Variants in NDFIP2 observed in about 807,000 individuals in gnomAD.
NDFIP2 encodes NEDD4 family-interacting protein 2.
A neutral mutation model predicts 36.0 loss-of-function variants in NDFIP2; 19 were observed. The ratio of observed to expected loss-of-function variants is 0.53; its 90% CI spans 0.37 to 0.77. NDFIP2 has a LOEUF of 0.77. Among genes scored for constraint, NDFIP2 ranks in the 30% least tolerant of loss-of-function variants. NDFIP2 has a pLI of 0.00. For synonymous variants in NDFIP2, 181 were observed against 167.7 expected (o/e 1.08, Z -0.61); for missense variants, 446 against 435.8 (o/e 1.02, Z -0.21).
At position 79,516,473 on chromosome 13, in the gene NDFIP2, T is replaced by G. The variant is rs1236147228; in HGVS notation, c.322-4337T>G. On this transcript the variant is annotated intron_variant, in intron 1 of 7. Coordinates refer to ENST00000218652, the MANE Select transcript of NDFIP2 (RefSeq NM_019080.3). The stretch of plus-strand genomic sequence containing the variant: ...CCTGGGCTCCAGTGATCCTCCCATC[T>G]TGGCCTCCCAAAGGGATTACAAGGT... Among the ~76,000 whole-genome samples the G allele has an allele frequency of 5.6e-4, 85 of 152,144 alleles. 1 individual carries two copies. Among genetic ancestry groups the G allele is most frequent in the Non-Finnish European group, 1.5e-5 (1 of 68,022 alleles).
chr13:79,544,542 T>C (rs543663744), intron 5 of NDFIP2, among the ~76,000 whole-genome samples: 79 of 152,088 alleles, frequency 5.2e-4, no homozygotes, highest in Non-Finnish European at 9.4e-4. Context: ...AAGAGTGCTT[T>C]ACTTACTGTT....
rs905852763 is a variant in NDFIP2, at chr13:79,503,674, T to C, written c.322-17136T>C. On this transcript the variant is annotated intron_variant, in intron 1 of 7. Transcript: ENST00000218652. The stretch of plus-strand genomic sequence containing the variant: ...TGGACCACTCAACTGTAGATATCCA[T>C]CATTACTTTTTGTTTTGTGGCTGAG... Among the ~76,000 whole-genome samples, 12 of 152,274 alleles carry C rather than the reference T, an allele frequency of 7.9e-5. No individual in the cohort carries two copies. The South Asian group carries it at 2.1e-3, about 26-fold the overall frequency.
chr13:79,482,156 T>G (rs563021265), intron 1 of NDFIP2, among the ~76,000 whole-genome samples: 1 of 115,602 alleles, frequency 8.7e-6, no homozygotes, highest in South Asian at 3.1e-4. Flanking sequence ...ACTTTTTCTT[T>G]CTTTCTTTCT....
rs755234462 is a variant in NDFIP2, at chr13:79,520,938, A to G, written c.450A>G (p.Pro150=). 3 of 1,613,192 alleles carry G rather than the reference A, an allele frequency of 1.9e-6. No individual in the cohort carries two copies. The highest frequency in any genetic ancestry group is 1.1e-5 in the South Asian group (1 of 91,010). Reference sequence around the variant, plus strand: ...TTGAAACTGACTCTTCCCCTCCACCATATAGTAGTATTACTGTGGAAGTAC... The same window carrying G: ...TTGAAACTGACTCTTCCCCTCCACCGTATAGTAGTATTACTGTGGAAGTAC... The part of the protein sequence containing the change: ...PALETDSSPP[P]YSSITVEVPT... The change falls in exon 2 of 8, where the codon CCA becomes CCG. Residue 150 remains proline (P), a synonymous_variant. Coordinates refer to ENST00000218652, the MANE Select transcript of NDFIP2 (RefSeq NM_019080.3).
intron 4 of NDFIP2, among the ~76,000 whole-genome samples, chr13:79,541,938 A>G (rs1875471306): frequency 6.6e-6 from 1 of 152,188 alleles, no homozygotes; most frequent in Non-Finnish European, 1.5e-5. Context: ...TGTTCAGAAA[A>G]TGTAAAAGAA....
intron 5 of NDFIP2, among the ~76,000 whole-genome samples, chr13:79,547,209 CATT>C (rs1455774052): frequency 6.6e-6 from 1 of 151,922 alleles, no homozygotes; most frequent in Non-Finnish European, 1.5e-5. Context: ...TAAATGATAA[CATT>C]ATTTACAATT....
At position 79,533,417 on chromosome 13, in the gene NDFIP2, T is replaced by C; in HGVS notation, c.582T>C (p.Ala194=). Reference sequence around the variant, plus strand: ...ACGATGAAGCTGAGAAGGCTAAAGCTGCTGCAATGGCAGCTGCAGCAGCAG... The same window carrying C: ...ACGATGAAGCTGAGAAGGCTAAAGCCGCTGCAATGGCAGCTGCAGCAGCAG... The part of the protein sequence containing the change: ...PTYDEAEKAK[A]AAMAAAAAET... The change falls in exon 3 of 8, where the codon GCT becomes GCC. Residue 194 remains alanine (A), a synonymous_variant. Transcript: ENST00000218652. The C allele has an allele frequency of 6.2e-7, 1 of 1,610,480 alleles. No homozygotes were observed. The highest frequency in any genetic ancestry group is 1.1e-5 in the South Asian group (1 of 90,352).
At chr13:79,543,818 T>C in intron 5 of NDFIP2, 136 bp downstream of exon 5, 7 of 1,094,918 alleles carry the variant, frequency 6.4e-6, no homozygotes, top group Non-Finnish European at 9.0e-6. Context: ...CTATACTTAA[T>C]CATTATAGTG....
At chr13:79,542,522 T>TTTTC (rs1555358567) in intron 4 of NDFIP2, among the ~76,000 whole-genome samples, 3 of 151,948 alleles carry the variant, frequency 2.0e-5, no homozygotes, top group African/African-American at 7.3e-5. Flanking sequence ...GTTTTTTTTT[T>TTTTC]CAGACATTCT....
At position 79,553,101 on chromosome 13, in the gene NDFIP2, T is replaced by C. The variant is rs1875967450; in HGVS notation, c.*588T>C. On this transcript the variant is annotated 3_prime_UTR_variant, in exon 8 of 8. Transcript: ENST00000218652. ...AACTCTTCCTGTAAATAACCATGCA[T>C]AACTTACTTTCTGCAATGTTTTCTT... is the stretch of plus-strand genomic sequence containing the variant. 1 of 151,838 alleles carries C rather than the reference T, an allele frequency of 6.6e-6. No individual in the cohort carries two copies. The highest frequency in any genetic ancestry group is 6.6e-5 in the Admixed American group (1 of 15,180). 9.4% of individuals were successfully genotyped at this position (151,838 alleles called of 1,614,324 possible).
chr13:79,529,384 T>C (rs1382594981), intron 2 of NDFIP2, among the ~76,000 whole-genome samples: 1 of 152,230 alleles, frequency 6.6e-6, no homozygotes, highest in Non-Finnish European at 1.5e-5. Context: ...ATTTACATTC[T>C]TGTTATTATA....
At chr13:79,488,221 T>C (rs1873094447) in intron 1 of NDFIP2, among the ~76,000 whole-genome samples, 1 of 152,224 alleles carries the variant, frequency 6.6e-6, no homozygotes, top group Non-Finnish European at 1.5e-5. Context: ...TACTCAAATG[T>C]GTTATATACC....
At chr13:79,503,240 T>C (rs1185173262) in intron 1 of NDFIP2, among the ~76,000 whole-genome samples, 1 of 152,148 alleles carries the variant, frequency 6.6e-6, no homozygotes, top group Non-Finnish European at 1.5e-5. Context: ...TGAACTCTTA[T>C]GGCCTTGTTG....
chr13:79,540,405 A>G (rs1253438223), intron 4 of NDFIP2, among the ~76,000 whole-genome samples: 1 of 152,234 alleles, frequency 6.6e-6, no homozygotes, highest in East Asian at 1.9e-4. Flanking sequence ...AGGGATTGAC[A>G]TAGTAAACTC....
At chr13:79,499,518 A>G (rs145276603) in intron 1 of NDFIP2, among the ~76,000 whole-genome samples, 31 of 152,140 alleles carry the variant, frequency 2.0e-4, no homozygotes, top group African/African-American at 7.5e-4. Context: ...CCTGGAACTA[A>G]TAAGTGATTA....
Position 79,506,246 on chromosome 13 carries a change from CTAT to C in NDFIP2, c.322-14561_322-14559del, listed in dbSNP as rs1358575256. ...TAAGCAACCATGTTACCTATTTCGT[CTAT>C]TAACAGTCATTTAAAAACTTAACAT... is the stretch of plus-strand genomic sequence containing the variant. On this transcript the variant is annotated intron_variant, in intron 1 of 7. Coordinates refer to ENST00000218652, the MANE Select transcript of NDFIP2 (RefSeq NM_019080.3). Among the ~76,000 whole-genome samples the C allele has an allele frequency of 2.0e-5, 3 of 152,208 alleles. No homozygotes were observed. In the East Asian group the frequency reaches 5.8e-4, roughly 29 times the overall value.
At chr13:79,522,780 A>G (rs1275384317) in intron 2 of NDFIP2, among the ~76,000 whole-genome samples, 1 of 152,174 alleles carries the variant, frequency 6.6e-6, no homozygotes, top group African/African-American at 2.4e-5. Context: ...AAGCATTCTG[A>G]GAGAAAGTCA....
intron 1 of NDFIP2, among the ~76,000 whole-genome samples, chr13:79,490,711 A>G (rs1873193994): frequency 6.6e-6 from 1 of 152,192 alleles, no homozygotes; most frequent in African/African-American, 2.4e-5. Context: ...TACCTCATAT[A>G]GGCCTGAAGC....
intron 2 of NDFIP2, among the ~76,000 whole-genome samples, chr13:79,532,409 C>T (rs541418863): frequency 6.6e-6 from 1 of 152,212 alleles, no homozygotes; most frequent in South Asian, 2.1e-4. Context: ...CTTTTAGAAC[C>T]TCCCTTTTTT....
Sources: allele counts gnomAD v4.1 joint callset (sites outside exome capture counted in the v4.1 genomes callset), GRCh38; gene constraint gnomAD v4.1.1; transcripts MANE v1.5; gene names NCBI Gene and HGNC (gene_info 2026-07-23, HGNC 2026-07-21).